Variants in MYRIP observed in about 807,000 individuals in gnomAD.
MYRIP encodes the protein rab effector MyRIP.
A neutral mutation model predicts 98.0 loss-of-function variants in MYRIP; 49 were observed. That is an observed-to-expected ratio of 0.50 (90% confidence interval 0.40 to 0.63). MYRIP has a LOEUF of 0.63. Among genes scored for constraint, MYRIP ranks in the 30% least tolerant of loss-of-function variants. The pLI, the probability that MYRIP is intolerant of heterozygous loss-of-function variation, is 0.00. For missense variants in MYRIP, 1,004 were observed against 1,058.2 expected (o/e 0.95, Z 0.71); for synonymous variants, 404 against 409.5 (o/e 0.99, Z 0.16).
At chr3:39,874,692 C>G (rs1559504491) in intron 1 of MYRIP, among the ~76,000 whole-genome samples, 1 of 152,116 alleles carries the variant, frequency 6.6e-6, no homozygotes, top group Admixed American at 6.6e-5. Flanking sequence ...GGATGAAGCC[C>G]ACTTTATCAT....
chr3:39,868,621 G>A (rs559634337), intron 1 of MYRIP, among the ~76,000 whole-genome samples: 1 of 152,188 alleles, frequency 6.6e-6, no homozygotes, highest in East Asian at 1.9e-4. Flanking sequence ...TTTATTTCCT[G>A]TATTCTGATC....
chr3:40,168,163 G>A (rs932395169), intron 7 of MYRIP, among the ~76,000 whole-genome samples: 1 of 152,188 alleles, frequency 6.6e-6, no homozygotes, highest in East Asian at 1.9e-4. Context: ...CCTTGTTAGT[G>A]TAACAGACAC....
At chr3:39,843,652 T>G (rs1264893379) in intron 1 of MYRIP, among the ~76,000 whole-genome samples, 1 of 152,162 alleles carries the variant, frequency 6.6e-6, no homozygotes, top group East Asian at 1.9e-4. Flanking sequence ...AAACTGGCAG[T>G]TAAGTATTCT....
At chr3:40,214,706 A>G (rs1057265603) in intron 11 of MYRIP, among the ~76,000 whole-genome samples, 3 of 152,158 alleles carry the variant, frequency 2.0e-5, no homozygotes, top group African/African-American at 7.2e-5. Context: ...CAGCCTTCCA[A>G]ACCACATGGT....
intron 2 of MYRIP, among the ~76,000 whole-genome samples, chr3:39,918,214 C>G (rs1166261778): frequency 6.6e-6 from 1 of 152,204 alleles, no homozygotes; most frequent in Non-Finnish European, 1.5e-5. Context: ...GCGCCCGGCC[C>G]TGACTTCCAT....
At chr3:39,935,414 A>G (rs1209981958) in intron 2 of MYRIP, among the ~76,000 whole-genome samples, 1 of 152,148 alleles carries the variant, frequency 6.6e-6, no homozygotes, top group Non-Finnish European at 1.5e-5. Context: ...TTATCAAAAT[A>G]CAGATCACCA....
At chr3:40,155,820 A>C (rs1265873123) in intron 4 of MYRIP, among the ~76,000 whole-genome samples, 15 of 151,782 alleles carry the variant, frequency 9.9e-5, no homozygotes, top group East Asian at 7.8e-4. Flanking sequence ...ATGTCCTTTG[A>C]CCACTTTTTG....
chr3:39,934,298 C>T lies in MYRIP; in HGVS notation c.110+33372C>T, dbSNP rs572975732. On this transcript the variant is annotated intron_variant, in intron 2 of 16. Transcript: ENST00000302541. ...TCTGCAAGCCTGGAGCTAAGGAGGG[C>T]AGAAGAAGCAGATGTGATAGGCTTT... Among the ~76,000 whole-genome samples the T allele has an allele frequency of 2.0e-5, 3 of 151,894 alleles. No individual in the cohort carries two copies. The South Asian group carries it at 6.2e-4, about 32-fold the overall frequency.
chr3:40,017,017 C>T (rs1474151943), intron 2 of MYRIP, among the ~76,000 whole-genome samples: 2 of 152,228 alleles, frequency 1.3e-5, no homozygotes, highest in African/African-American at 4.8e-5. Flanking sequence ...GACATAATTA[C>T]AGAGATCTGA....
chr3:39,851,276 C>T (rs2125606197), intron 1 of MYRIP, among the ~76,000 whole-genome samples: 1 of 152,286 alleles, frequency 6.6e-6, no homozygotes, highest in East Asian at 1.9e-4. Context: ...AAGTCTCTAC[C>T]TCCTGGGAGC....
intron 3 of MYRIP, among the ~76,000 whole-genome samples, chr3:40,135,239 C>T (rs1575565606): frequency 6.6e-6 from 1 of 152,230 alleles, no homozygotes; most frequent in Non-Finnish European, 1.5e-5. Flanking sequence ...GACAAATGCA[C>T]AAGCCTCAGT....
At chr3:39,902,538 G>A (rs1943767038) in intron 2 of MYRIP, among the ~76,000 whole-genome samples, 2 of 152,288 alleles carry the variant, frequency 1.3e-5, no homozygotes, top group Admixed American at 1.3e-4. Context: ...GGCACACCGT[G>A]GGTGTGCCCT....
chr3:40,037,280 G>A (rs1406938899), intron 2 of MYRIP, among the ~76,000 whole-genome samples: 1 of 152,082 alleles, frequency 6.6e-6, no homozygotes, highest in African/African-American at 2.4e-5. Flanking sequence ...AAGATAAGAT[G>A]TTAATTTACA....
rs376419056 is a variant in MYRIP at position 40,038,840 on chromosome 3, G to A, written c.111-5210G>A. On this transcript the variant is annotated intron_variant, in intron 2 of 16. Coordinates refer to ENST00000302541, the MANE Select transcript of MYRIP (RefSeq NM_015460.4). ...TCCCATGCCTTGTGATTCAGACAAG[G>A]TGACTCCTACATATGCAGCCATTTT... is the stretch of plus-strand genomic sequence containing the variant. Among the ~76,000 whole-genome samples, 15 of 152,220 alleles carry A rather than the reference G, an allele frequency of 9.9e-5. No individual in the cohort carries two copies. The South Asian group carries it at 2.5e-3, about 25-fold the overall frequency.
chr3:39,867,904 C>T (rs1575322005), intron 1 of MYRIP, among the ~76,000 whole-genome samples: 2 of 152,130 alleles, frequency 1.3e-5, no homozygotes, highest in African/African-American at 4.8e-5. Context: ...ACCTAAGTAT[C>T]CATCAGCAGA....
At position 40,190,256 on chromosome 3, in the gene MYRIP, G is replaced by A. The variant is rs754060180; in HGVS notation, c.1458G>A (p.Glu486=). The A allele has an allele frequency of 6.2e-7, 1 of 1,614,106 alleles. No individual in the cohort carries two copies. Among genetic ancestry groups the A allele is most frequent in the Non-Finnish European group, 8.5e-7 (1 of 1,180,024 alleles). ...QRKAPRNPAA[E]KMRLHGELDV... ...AGGCCCCCAGGAACCCTGCAGCTGA[G>A]AAGATGCGCTTGCATGGAGAGCTGG... The change falls in exon 10 of 17, where the codon GAG becomes GAA. Residue 486 remains glutamate, a synonymous_variant. Coordinates refer to ENST00000302541, the MANE Select transcript of MYRIP (RefSeq NM_015460.4).
chr3:40,005,121 T>A (rs146692216), intron 2 of MYRIP, among the ~76,000 whole-genome samples: 1 of 152,262 alleles, frequency 6.6e-6, no homozygotes, highest in African/African-American at 2.4e-5. Flanking sequence ...TCCTTTTTTA[T>A]GGCTGAATAG....
chr3:40,054,702 C>T (rs1250631857), intron 3 of MYRIP, among the ~76,000 whole-genome samples: 1 of 152,114 alleles, frequency 6.6e-6, no homozygotes, highest in African/African-American at 2.4e-5. Flanking sequence ...TGCCATCCAC[C>T]CTACAAAGTG....
At chr3:40,028,759 G>T (rs574758520) in intron 2 of MYRIP, among the ~76,000 whole-genome samples, 2 of 152,178 alleles carry the variant, frequency 1.3e-5, no homozygotes, top group East Asian at 3.9e-4. Flanking sequence ...ATCATTCTTG[G>T]TTGATCTGTA....
Sources: allele counts gnomAD v4.1 joint callset (sites outside exome capture counted in the v4.1 genomes callset), GRCh38; gene constraint gnomAD v4.1.1; transcripts MANE v1.5; gene names NCBI Gene and HGNC (gene_info 2026-07-23, HGNC 2026-07-21).